Variants in RAD21L1 observed in about 807,000 individuals in gnomAD.
RAD21L1 encodes the protein double-strand-break repair protein rad21-like protein 1.
Under a neutral mutation model 69.0 loss-of-function variants are expected in RAD21L1, and 47 were observed. That is an observed-to-expected ratio of 0.68 (90% confidence interval 0.54 to 0.87). The LOEUF (loss-of-function observed/expected upper bound fraction) is 0.87. Ranked by LOEUF, RAD21L1 falls within the 40% of genes least tolerant of loss-of-function variation. The pLI is 0.00. For missense variants in RAD21L1, 583 were observed against 647.6 expected (o/e 0.90, Z 1.08); for synonymous variants, 177 against 205.8 (o/e 0.86, Z 1.20).
intron 5 of RAD21L1, among the ~76,000 whole-genome samples, chr20:1,235,749 T>C (rs570884582): frequency 9.9e-5 from 15 of 151,606 alleles, no homozygotes; most frequent in South Asian, 2.1e-4. Flanking sequence ...CTATTCTTAT[T>C]TGGGCTTGAA....
chr20:1,235,378 G>A (rs954025344), intron 5 of RAD21L1, among the ~76,000 whole-genome samples: 12 of 152,038 alleles, frequency 7.9e-5, no homozygotes, highest in Admixed American at 2.6e-4. Flanking sequence ...TTCTCAGCCT[G>A]TGGTGAAGGA....
At chr20:1,251,518 G>T (rs909489019) in intron 13 of RAD21L1, among the ~76,000 whole-genome samples, 1 of 151,758 alleles carries the variant, frequency 6.6e-6, no homozygotes, top group African/African-American at 2.4e-5. Context: ...TAGAGTCAAG[G>T]TCCCACTGTG....
Position 1,254,294 on chromosome 20 carries a change from C to G in RAD21L1, c.1505C>G (p.Ser502Cys). 1 of 1,547,696 alleles carries G rather than the reference C, an allele frequency of 6.5e-7. No homozygotes were observed. The highest frequency in any genetic ancestry group is 8.7e-7 in the Non-Finnish European group (1 of 1,144,786). ...LRESNKMGMQ[S>C]FSLMKLCRNS... ...GAATCTAACAAGATGGGAATGCAGT[C>G]CTTTAGTCTGATGAAGCTCTGTAGA... Residue 502 changes from serine to cysteine, a missense_variant, in exon 14 of 14, where the codon TCC (serine) becomes TGC (cysteine). Ser to Cys is a moderately radical substitution (Grantham distance 112). Coordinates refer to ENST00000683101, the MANE Select transcript of RAD21L1 (RefSeq NM_001384355.1).
chr20:1,252,627 C>T (rs1222670099), intron 13 of RAD21L1, among the ~76,000 whole-genome samples: 1 of 152,216 alleles, frequency 6.6e-6, no homozygotes, highest in Non-Finnish European at 1.5e-5. Context: ...AGAAGGGCAA[C>T]TTCACGCCTT....
At position 1,254,477 on chromosome 20, in the gene RAD21L1, A is replaced by G. The variant is rs2087898011; in HGVS notation, c.*20A>G. On this transcript the variant is annotated 3_prime_UTR_variant, in exon 14 of 14. Coordinates refer to ENST00000683101, the MANE Select transcript of RAD21L1 (RefSeq NM_001384355.1). ...ATATGAAGGAAACCCAGACATACAG[A>G]TTTATGGCATCACTGGAATTTCTGT... 6.9e-7 allele frequency: 1 copy of G among 1,441,638 alleles called. No homozygotes were observed. Among genetic ancestry groups the G allele is most frequent in the African/African-American group, 1.4e-5 (1 of 69,618 alleles). 89.3% of individuals were successfully genotyped at this position (1,441,638 alleles called of 1,614,324 possible).
intron 5 of RAD21L1, among the ~76,000 whole-genome samples, chr20:1,235,551 G>A (rs1450343094): frequency 6.6e-6 from 1 of 152,124 alleles, no homozygotes; most frequent in Non-Finnish European, 1.5e-5. Context: ...TCAAATTTCT[G>A]TAAAACTTTC....
intron 13 of RAD21L1, among the ~76,000 whole-genome samples, chr20:1,250,755 A>G (rs2087811824): frequency 6.6e-6 from 1 of 152,022 alleles, no homozygotes; most frequent in African/African-American, 2.4e-5. Context: ...CATTTTAATT[A>G]TTTTTCCAAA....
At chr20:1,248,759 G>A (rs928284513) in intron 13 of RAD21L1, 56 bp downstream of exon 13, 35 of 1,004,788 alleles carry the variant, frequency 3.5e-5, no homozygotes, top group Non-Finnish European at 5.0e-5. Flanking sequence ...AGTAAATACT[G>A]ACTTCAAGCT....
rs2087731824 is a variant in RAD21L1, at chr20:1,247,070, A to G, written c.1401+765A>G. 2.6e-5 allele frequency among the ~76,000 whole-genome samples: 4 copies of G among 152,252 alleles called. No individual in the cohort carries two copies. In the South Asian group the frequency reaches 6.2e-4, roughly 24 times the overall value. ...TTCTCTAGATAATCTAGGACAGAATAAATTACCTGAACTTTTTACCTGAAG... is the reference window on the plus strand; with the variant it reads ...TTCTCTAGATAATCTAGGACAGAATGAATTACCTGAACTTTTTACCTGAAG... On this transcript the variant is annotated intron_variant, in intron 12 of 13. Transcript: ENST00000683101.
At chr20:1,230,188 C>T (rs956672591) in intron 3 of RAD21L1, among the ~76,000 whole-genome samples, 179 bp downstream of exon 3, 1 of 152,122 alleles carries the variant, frequency 6.6e-6, no homozygotes, top group Admixed American at 6.5e-5. Context: ...TCTATACCTG[C>T]AGGAAAAGGT....
At chr20:1,239,094 T>C (rs1392320097) in intron 6 of RAD21L1, among the ~76,000 whole-genome samples, 1 of 152,190 alleles carries the variant, frequency 6.6e-6, no homozygotes, top group Non-Finnish European at 1.5e-5. Context: ...CCCAATGTGC[T>C]GGGATTATAG....
chr20:1,241,930 A>T (rs1399132804), intron 8 of RAD21L1, among the ~76,000 whole-genome samples: 3 of 152,166 alleles, frequency 2.0e-5, no homozygotes, highest in African/African-American at 7.2e-5. Context: ...AATCCTATGG[A>T]CCTAGTTACC....
At chr20:1,232,159 A>G (rs1456487520) in intron 4 of RAD21L1, among the ~76,000 whole-genome samples, 2 of 152,196 alleles carry the variant, frequency 1.3e-5, no homozygotes, top group Non-Finnish European at 2.9e-5. Context: ...CTAAAGCAGG[A>G]CACACTGGAC....
At position 1,234,129 on chromosome 20, in the gene RAD21L1, C is replaced by G. The variant is rs1177879050; in HGVS notation, c.413C>G (p.Pro138Arg). Reference sequence around the variant, plus strand: ...CACTTTACTCAGAACCAAAGCAGACCAGAAGAAATCACTCTTAGAGAAAAT... The same window carrying G: ...CACTTTACTCAGAACCAAAGCAGACGAGAAGAAATCACTCTTAGAGAAAAT... ...SEHFTQNQSR[P>R]EEITLRENFD... The change falls in exon 5 of 14, where the codon CCA becomes CGA. Residue 138 changes from proline (P) to arginine (R), a missense_variant. Pro to Arg is a moderately radical substitution (Grantham distance 103, BLOSUM62 -2). Coordinates refer to ENST00000683101, the MANE Select transcript of RAD21L1 (RefSeq NM_001384355.1). 8 of 1,545,408 alleles carry G rather than the reference C, an allele frequency of 5.2e-6. No individual in the cohort carries two copies. The highest frequency in any genetic ancestry group is 2.5e-5 in the East Asian group (1 of 40,746).
intron 8 of RAD21L1, among the ~76,000 whole-genome samples, chr20:1,241,875 G>C (rs1004155809): frequency 6.6e-6 from 1 of 152,162 alleles, no homozygotes; most frequent in African/African-American, 2.4e-5. Flanking sequence ...CTAAAGAAAA[G>C]CTTGACTTCT....
At chr20:1,240,529 TAGTC>T in intron 8 of RAD21L1, 95 bp downstream of exon 8, 1 of 1,439,496 alleles carries the variant, frequency 6.9e-7, no homozygotes, top group Non-Finnish European at 9.1e-7. Flanking sequence ...TTATAGGAGA[TAGTC>T]AATCTAGTAA....
In RAD21L1 at chr20:1,255,192, T is replaced by G. The variant is rs1171988485; in HGVS notation, c.*735T>G. ...CTTAACTTTTTTATTTACTATTTAA[T>G]GATTATTATAATCACCATTAATGTG... On this transcript the variant is annotated 3_prime_UTR_variant, in exon 14 of 14. Coordinates refer to ENST00000683101, the MANE Select transcript of RAD21L1 (RefSeq NM_001384355.1). Among the ~76,000 whole-genome samples the G allele has an allele frequency of 1.3e-5, 2 of 152,224 alleles. No homozygotes were observed. Among genetic ancestry groups the G allele is most frequent in the Admixed American group, 1.3e-4 (2 of 15,282 alleles).
At chr20:1,236,138 T>G (rs1417844096) in intron 5 of RAD21L1, among the ~76,000 whole-genome samples, 4 of 152,076 alleles carry the variant, frequency 2.6e-5, no homozygotes, top group Non-Finnish European at 5.9e-5. Flanking sequence ...TTGTTTGTTT[T>G]TTAATTCTGA....
chr20:1,228,424 T>G lies in RAD21L1; in HGVS notation c.-30T>G. The G allele has an allele frequency of 7.0e-6, 10 of 1,434,544 alleles. No homozygotes were observed. The highest frequency in any genetic ancestry group is 8.3e-6 in the Non-Finnish European group (9 of 1,089,934). 88.9% of individuals were successfully genotyped at this position (1,434,544 alleles called of 1,614,324 possible). ...ATTTCTTTTCGTGTTCTCTCTAGTT[T>G]GTTAAATACAAGTAAGGAACACAGG... On this transcript the variant is annotated splice_region_variant and 5_prime_UTR_variant, in exon 2 of 14. Transcript: ENST00000683101.
Sources: gnomAD v4.1 joint callset for allele counts (sites outside exome capture counted in the v4.1 genomes callset) on GRCh38, gnomAD v4.1.1 for gene constraint, MANE v1.5 for transcripts, NCBI Gene and HGNC (gene_info 2026-07-23, HGNC 2026-07-21) for gene names.